CYTH3: variants seen among roughly 807,000 people sequenced by gnomAD.
CYTH3 encodes cytohesin 3, also known as cytohesin-3.
Under a neutral mutation model 55.1 loss-of-function variants are expected in CYTH3, and 23 were observed. The ratio of observed to expected loss-of-function variants is 0.42; its 90% CI spans 0.30 to 0.59. The LOEUF (loss-of-function observed/expected upper bound fraction) is 0.59. CYTH3 is among the 20% of genes least tolerant of loss of function. The pLI, the probability that CYTH3 is intolerant of heterozygous loss-of-function variation, is 0.20. For synonymous variants in CYTH3, 249 were observed against 194.9 expected (o/e 1.28, Z -2.31); for missense variants, 413 against 524.8 (o/e 0.79, Z 2.08).
chr7:6,219,019 A>AT (rs1784487887), intron 1 of CYTH3, among the ~76,000 whole-genome samples: 1 of 150,768 alleles, frequency 6.6e-6, no homozygotes, highest in Non-Finnish European at 1.5e-5. Flanking sequence ...AAAAAAAAAA[A>AT]AAAAAAAACT....
intron 1 of CYTH3, among the ~76,000 whole-genome samples, chr7:6,246,229 A>G (rs1037965464): frequency 2.0e-5 from 3 of 150,332 alleles, no homozygotes; most frequent in East Asian, 1.9e-4. Context: ...CAACACCTGG[A>G]TAATTTTTTT....
chr7:6,191,205 T>TGGGACACTGAGGCAGGA (rs1449138567), intron 1 of CYTH3, among the ~76,000 whole-genome samples: 11 of 152,228 alleles, frequency 7.2e-5, no homozygotes, highest in Admixed American at 7.2e-4. Flanking sequence ...CCCAGCACTT[T>TGGGACACTGAGGCAGGA]GGGACACTGA....
chr7:6,179,431 T>A (rs1011619218), intron 4 of CYTH3, among the ~76,000 whole-genome samples: 2 of 152,104 alleles, frequency 1.3e-5, no homozygotes, highest in African/African-American at 4.8e-5. Flanking sequence ...GTGAGTGTAT[T>A]AATTTATAAA....
chr7:6,216,449 A>T (rs996330961), intron 1 of CYTH3, among the ~76,000 whole-genome samples: 2 of 152,042 alleles, frequency 1.3e-5, no homozygotes, highest in Non-Finnish European at 2.9e-5. Context: ...CTCAATCAAA[A>T]ACATAGAGGC....
chr7:6,205,907 T>G (rs1784176058), intron 1 of CYTH3, among the ~76,000 whole-genome samples: 1 of 126,256 alleles, frequency 7.9e-6, no homozygotes, highest in Non-Finnish European at 1.6e-5. Context: ...AAAAAAAAGC[T>G]TATTTTAGAA....
chr7:6,190,424 TTTGG>T, intron 2 of CYTH3, 21 bp downstream of exon 2: 1 of 1,447,284 alleles, frequency 6.9e-7, no homozygotes, highest in Non-Finnish European at 9.1e-7. Flanking sequence ...GTTTTGGATT[TTTGG>T]TTTTTTTTTT....
intron 1 of CYTH3, among the ~76,000 whole-genome samples, chr7:6,267,820 C>G (rs1780540749): frequency 1.3e-5 from 2 of 152,178 alleles, no homozygotes; most frequent in South Asian, 4.1e-4. Context: ...TTGCGCCCAG[C>G]TGTATTTTTT....
Position 6,173,615 on chromosome 7 carries a change from C to T in CYTH3, c.449+38G>A, listed in dbSNP as rs779839283. 4.3e-6 allele frequency: 6 copies of T among 1,385,076 alleles called. No homozygotes were observed. The Admixed American group carries it at 1.0e-4, about 23-fold the overall frequency. The allele number at this position is 1,385,076 out of a possible 1,614,324, so 85.8% of individuals were successfully genotyped here. A position where few individuals can be genotyped will look rare whatever the true frequency, so the allele number is the denominator to read the frequency against. ...GCCCAGGCAGTGGTCCTCTGGCCTT[C>T]CCCATCCACTCTACACCCAGCAAAT... On this transcript the variant is annotated intron_variant, in intron 6 of 12. Coordinates refer to ENST00000350796, the MANE Select transcript of CYTH3 (RefSeq NM_004227.4).
intron 1 of CYTH3, among the ~76,000 whole-genome samples, chr7:6,193,348 G>C (rs1387403477): frequency 6.7e-6 from 1 of 149,058 alleles, no homozygotes; most frequent in Non-Finnish European, 1.5e-5. Flanking sequence ...CTGCACTCTA[G>C]CCTGGGCGAC....
At chr7:6,256,104 A>G (rs1780097674) in intron 1 of CYTH3, among the ~76,000 whole-genome samples, 1 of 152,184 alleles carries the variant, frequency 6.6e-6, no homozygotes, top group Admixed American at 6.5e-5. Flanking sequence ...GGCCCTGTCA[A>G]TAACTTTACA....
intron 1 of CYTH3, among the ~76,000 whole-genome samples, chr7:6,222,625 T>A (rs1784577428): frequency 6.6e-6 from 1 of 151,746 alleles, no homozygotes; most frequent in Admixed American, 6.6e-5. Flanking sequence ...CGGGCACCTG[T>A]AGTCCCAGCT....
Position 6,266,797 on chromosome 7 carries a change from T to C in CYTH3, c.34+5677A>G, listed in dbSNP as rs140280762. Among the ~76,000 whole-genome samples the C allele has an allele frequency of 4.1e-3, 623 of 152,350 alleles. 2 individuals are homozygous for C. The highest frequency in any genetic ancestry group is 0.014 in the African/African-American group (583 of 41,584). On this transcript the variant is annotated intron_variant, in intron 1 of 12. Coordinates refer to ENST00000350796, the MANE Select transcript of CYTH3 (RefSeq NM_004227.4). ...TAACACATCTAGCATAATACATGAT[T>C]ATTTTATATATAGCTGTTTACCTCT...
intron 2 of CYTH3, among the ~76,000 whole-genome samples, chr7:6,188,339 T>A (rs1481789031): frequency 5.4e-4 from 75 of 139,004 alleles, no homozygotes; most frequent in African/African-American, 1.5e-3. Flanking sequence ...TCTCTTTTTT[T>A]AAAAAAAACA....
rs181924614 is a variant in CYTH3 at position 6,248,646 on chromosome 7, C to A, written c.34+23828G>T. On this transcript the variant is annotated intron_variant, in intron 1 of 12. Coordinates refer to ENST00000350796, the MANE Select transcript of CYTH3 (RefSeq NM_004227.4). ...CTCATCAATATCGCTGCTGCACAAGCCCACCCCGGCTGCCCGTGGCCACTC... is the reference window on the plus strand; with the variant it reads ...CTCATCAATATCGCTGCTGCACAAGACCACCCCGGCTGCCCGTGGCCACTC... Among the ~76,000 whole-genome samples the A allele has an allele frequency of 1.5e-3, 236 of 152,288 alleles. 1 individual carries two copies. Among genetic ancestry groups the A allele is most frequent in the African/African-American group, 5.2e-3 (217 of 41,556 alleles).
chr7:6,250,391 T>C (rs554145600), intron 1 of CYTH3, among the ~76,000 whole-genome samples: 3 of 152,284 alleles, frequency 2.0e-5, no homozygotes, highest in African/African-American at 7.2e-5. Context: ...ACCTTCAAGA[T>C]AGCACACAGC....
Position 6,175,000 on chromosome 7 carries a change from A to G in CYTH3, c.369-1267T>C, listed in dbSNP as rs1039739829. Among the ~76,000 whole-genome samples the G allele has an allele frequency of 7.2e-5, 11 of 152,212 alleles. No individual in the cohort carries two copies. The South Asian group carries it at 1.4e-3, about 20-fold the overall frequency. On this transcript the variant is annotated intron_variant, in intron 5 of 12. Transcript: ENST00000350796. ...TTACTCTTATTTGGAAGAGTTCTTT[A>G]TATAATCTAGATAGAAGTCCTTAGG...
At chr7:6,173,364 C>A (rs975136260) in intron 6 of CYTH3, among the ~76,000 whole-genome samples, 1 of 152,172 alleles carries the variant, frequency 6.6e-6, no homozygotes, top group Non-Finnish European at 1.5e-5. Context: ...GGGAACAAGG[C>A]ACTCGACTAC....
rs12537421 is a variant in CYTH3, at chr7:6,259,785, A to T, written c.34+12689T>A. ...TATATATATATATTATATATATATA[A>T]TATATATATATATATATATATATAT... is the stretch of plus-strand genomic sequence containing the variant. On this transcript the variant is annotated intron_variant, in intron 1 of 12. Coordinates refer to ENST00000350796, the MANE Select transcript of CYTH3 (RefSeq NM_004227.4). 5.1e-3 allele frequency among the ~76,000 whole-genome samples: 73 copies of T among 14,420 alleles called. 1 individual carries two copies. The highest frequency in any genetic ancestry group is 0.024 in the African/African-American group (25 of 1,050). 9.5% of individuals were successfully genotyped at this position (14,420 alleles called of 152,430 possible).
chr7:6,235,412 G>A (rs902482908), intron 1 of CYTH3, among the ~76,000 whole-genome samples: 4 of 150,802 alleles, frequency 2.7e-5, no homozygotes, highest in African/African-American at 4.9e-5. Flanking sequence ...GGCTGAGGGT[G>A]CAGTCAGCCA....
Sources: gnomAD v4.1 joint callset for allele counts (sites outside exome capture counted in the v4.1 genomes callset) on GRCh38, gnomAD v4.1.1 for gene constraint, MANE v1.5 for transcripts, NCBI Gene and HGNC (gene_info 2026-07-23, HGNC 2026-07-21) for gene names.